Variants in YTHDF2 observed in about 807,000 individuals in gnomAD.
YTHDF2 encodes the protein YTH N6-methyladenosine RNA binding protein F2.
YTHDF2 carries 2 observed loss-of-function variants against 50.4 expected under a neutral mutation model. The observed-to-expected ratio is 0.04, with a 90% CI of 0.02 to 0.12. YTHDF2 has a LOEUF of 0.12. Among genes scored for constraint, YTHDF2 ranks in the 10% least tolerant of loss-of-function variants. The pLI is 1.00. For synonymous variants in YTHDF2, 217 were observed against 255.6 expected, an observed-to-expected ratio of 0.85 and a Z score of 1.44; for missense variants, 483 against 722.6, an observed-to-expected ratio of 0.67 and a Z score of 3.80.
intron 4 of YTHDF2, among the ~76,000 whole-genome samples, chr1:28,754,381 T>A (rs915563114): frequency 6.6e-6 from 1 of 151,866 alleles, no homozygotes; most frequent in African/African-American, 2.4e-5. Context: ...TACAAAAAAA[T>A]TAGCCGGGCG....
At chr1:28,759,609 A>G (rs2088085249) in intron 4 of YTHDF2, among the ~76,000 whole-genome samples, 1 of 152,228 alleles carries the variant, frequency 6.6e-6, no homozygotes, top group Non-Finnish European at 1.5e-5. Context: ...TTGTAATGCA[A>G]TGATAAGTAT....
chr1:28,742,883 A>G lies in YTHDF2; in HGVS notation c.613A>G (p.Lys205Glu). Residue 205 changes from lysine (K) to glutamate (E), a missense_variant, in exon 4 of 5, where the codon AAA becomes GAA. Lys to Glu is a moderately conservative substitution (Grantham distance 56). Around this residue, in one of 4 missense-constraint regions of YTHDF2, gnomAD observed 385 missense variants for 475.8 expected, o/e 0.81. Coordinates refer to ENST00000373812, the MANE Select transcript of YTHDF2 (RefSeq NM_016258.3). ...GSTEVASNVPKVVGSAVGSGS... is the reference protein window; with the variant it reads ...GSTEVASNVPEVVGSAVGSGS... ...CACAGAAGTTGCAAGCAATGTTCCA[A>G]AAGTTGTAGGTTCTGCTGTTGGTAG... 6.2e-7 allele frequency: 1 copy of G among 1,614,148 alleles called. No individual in the cohort carries two copies. Among genetic ancestry groups the G allele is most frequent in the Non-Finnish European group, 8.5e-7 (1 of 1,180,020 alleles).
intron 4 of YTHDF2, among the ~76,000 whole-genome samples, chr1:28,763,935 A>T (rs950993633): frequency 6.5e-5 from 9 of 139,440 alleles, no homozygotes; most frequent in Admixed American, 3.6e-4. Flanking sequence ...TATTATTATT[A>T]TTTTTTAAAT....
chr1:28,745,450 T>C (rs917252903), intron 4 of YTHDF2, among the ~76,000 whole-genome samples: 4 of 152,216 alleles, frequency 2.6e-5, no homozygotes, highest in Non-Finnish European at 4.4e-5. Context: ...TCTTCCATAT[T>C]AAGCCTGGCG....
rs191230808 is a variant in YTHDF2, at chr1:28,753,263, G to T, written c.1716+9277G>T. Among the ~76,000 whole-genome samples the T allele has an allele frequency of 5.0e-4, 71 of 143,068 alleles. No individual in the cohort carries two copies. The Middle Eastern group carries it at 0.011, about 23-fold the overall frequency. 93.9% of individuals were successfully genotyped at this position (143,068 alleles called of 152,430 possible). A position where few individuals can be genotyped will look rare whatever the true frequency, so the allele number is the denominator to read the frequency against. ...TGGCTAGGTGCAGTGGCTCATGCCC[G>T]TAATCCTCGCACTTTGGGGAGGCTG... On this transcript the variant is annotated intron_variant, in intron 4 of 4. Transcript: ENST00000373812.
At chr1:28,739,079 G>A (rs1256520206) in intron 3 of YTHDF2, 1 of 152,162 alleles carries the variant, frequency 6.6e-6, no homozygotes, top group Non-Finnish European at 1.5e-5. Flanking sequence ...AAGTTCTAAT[G>A]TAAAATCACC....
At chr1:28,762,284 C>G (rs934320158) in intron 4 of YTHDF2, among the ~76,000 whole-genome samples, 10 of 152,000 alleles carry the variant, frequency 6.6e-5, no homozygotes. Flanking sequence ...CCCAGCTACT[C>G]GGGAGGCTGA....
chr1:28,759,190 G>A (rs542955747), intron 4 of YTHDF2, among the ~76,000 whole-genome samples: 92 of 152,098 alleles, frequency 6.0e-4, no homozygotes, highest in Admixed American at 5.2e-3. Flanking sequence ...TTTAAATTTG[G>A]GTGTATAAAG....
In YTHDF2 at chr1:28,742,500, C is replaced by CG; in HGVS notation, c.236dup (p.Asp80Ter). ...TCTTTGGGTGAAGCTGCTTGGTCTA[C>CG]GGGGGGTGACACAGCCATGCCCTAC... On this transcript the variant is annotated frameshift_variant, in exon 4 of 5. Coordinates refer to ENST00000373812, the MANE Select transcript of YTHDF2 (RefSeq NM_016258.3). LOFTEE classifies it high-confidence loss of function. 6.2e-7 allele frequency: 1 copy of CG among 1,613,854 alleles called. No individual in the cohort carries two copies. Among genetic ancestry groups the CG allele is most frequent in the Non-Finnish European group, 8.5e-7 (1 of 1,179,968 alleles).
chr1:28,762,215 A>AC (rs2088147062), intron 4 of YTHDF2, among the ~76,000 whole-genome samples: 1 of 151,890 alleles, frequency 6.6e-6, no homozygotes, highest in Admixed American at 6.6e-5. Flanking sequence ...ACACGGTGAA[A>AC]CCCCGTCTCT....
At chr1:28,740,767 G>C (rs189301765) in intron 3 of YTHDF2, among the ~76,000 whole-genome samples, 1 of 149,476 alleles carries the variant, frequency 6.7e-6, no homozygotes, top group Non-Finnish European at 1.5e-5. Context: ...GCAGTGGTGC[G>C]ATCTCGGCTC....
chr1:28,744,346 G>A (rs1031910786), intron 4 of YTHDF2, among the ~76,000 whole-genome samples: 1 of 152,174 alleles, frequency 6.6e-6, no homozygotes, highest in South Asian at 2.1e-4. Flanking sequence ...TCTATAATAT[G>A]GCAGAGAAAA....
intron 2 of YTHDF2, 113 bp from the exon 3 acceptor site, chr1:28,738,146 A>G (rs2087723424): frequency 1.6e-5 from 13 of 797,304 alleles, no homozygotes; most frequent in Admixed American, 1.2e-4. Flanking sequence ...TTGAAGTTCA[A>G]TCTTACGTGC....
intron 4 of YTHDF2, among the ~76,000 whole-genome samples, chr1:28,757,431 C>G (rs1460557717): frequency 1.9e-5 from 2 of 105,580 alleles, no homozygotes; most frequent in African/African-American, 6.5e-5. Context: ...GGCAGTTGTT[C>G]TACTTTCCAA....
chr1:28,763,544 C>T (rs2088165825), intron 4 of YTHDF2, among the ~76,000 whole-genome samples: 1 of 152,190 alleles, frequency 6.6e-6, no homozygotes, highest in Admixed American at 6.5e-5. Flanking sequence ...CAACCTCCAC[C>T]ACCCAGGTTC....
intron 2 of YTHDF2, 38 bp from the exon 3 acceptor site, chr1:28,738,221 G>T: frequency 6.6e-7 from 1 of 1,514,964 alleles, no homozygotes; most frequent in Non-Finnish European, 9.2e-7. Context: ...GAAGATTGTA[G>T]GATTGGGACA....
At chr1:28,764,411 C>T (rs1029945084) in intron 4 of YTHDF2, among the ~76,000 whole-genome samples, 9 of 151,988 alleles carry the variant, frequency 5.9e-5, no homozygotes, top group Non-Finnish European at 1.0e-4. Flanking sequence ...GCTGGGATTA[C>T]AGGCGCCCAC....
chr1:28,759,813 G>T (rs1167993799), intron 4 of YTHDF2, among the ~76,000 whole-genome samples: 1 of 152,030 alleles, frequency 6.6e-6, no homozygotes, highest in Non-Finnish European at 1.5e-5. Flanking sequence ...AAACCTAGCC[G>T]GGCGTGGTGG....
intron 4 of YTHDF2, among the ~76,000 whole-genome samples, chr1:28,767,104 A>G (rs2088230967): frequency 6.6e-6 from 1 of 151,490 alleles, no homozygotes; most frequent in South Asian, 2.1e-4. Context: ...TGGCCTCCCA[A>G]AGTGTTGGGA....
Sources: allele counts gnomAD v4.1 joint callset (sites outside exome capture counted in the v4.1 genomes callset), GRCh38; gene constraint gnomAD v4.1.1; regional missense constraint gnomAD v4.1.1; transcripts MANE v1.5; gene names NCBI Gene and HGNC (gene_info 2026-07-23, HGNC 2026-07-21).